SLC26A8: variants seen among roughly 807,000 people sequenced by gnomAD.
SLC26A8 encodes the protein testis anion transporter 1.
Under a neutral mutation model 105.0 loss-of-function variants are expected in SLC26A8, and 70 were observed. That is an observed-to-expected ratio of 0.67 (90% CI 0.55 to 0.81). SLC26A8 has a LOEUF of 0.81. Among genes scored for constraint, SLC26A8 ranks in the 40% least tolerant of loss-of-function variants. SLC26A8 has a pLI of 0.00. For missense variants in SLC26A8, 998 were observed against 1,181.8 expected (o/e 0.84, Z 2.28); for synonymous variants, 415 against 438.3 (o/e 0.95, Z 0.66).
At chr6:35,977,181 A>G (rs957094614) in intron 9 of SLC26A8, 23 bp downstream of exon 9, 1 of 1,603,022 alleles carries the variant, frequency 6.2e-7, no homozygotes, top group Non-Finnish European at 8.5e-7. Context: ...GTTAAGGATC[A>G]GAGGAAGTAG....
intron 17 of SLC26A8, among the ~76,000 whole-genome samples, chr6:35,952,237 A>C (rs1771905242): frequency 6.6e-6 from 1 of 152,082 alleles, no homozygotes; most frequent in Non-Finnish European, 1.5e-5. Flanking sequence ...TTCCCCCTGG[A>C]GTTTACTGAG....
Position 35,943,915 on chromosome 6 carries a change from G to A in SLC26A8, c.2898C>T (p.Ser966=). Residue 966 remains serine (S), a synonymous_variant, in exon 20 of 20, where the codon AGC becomes AGT. Coordinates refer to ENST00000490799, the MANE Select transcript of SLC26A8 (RefSeq NM_052961.4). ...PMDSYSPEGN[S]NEDV ...AGTTCATCTCCTAGACATCTTCATT[G>A]CTGTTGCCCTCTGGTGAGTATGAAT... 6.2e-7 allele frequency: 1 copy of A among 1,613,614 alleles called. No individual in the cohort carries two copies. Among genetic ancestry groups the A allele is most frequent in the Non-Finnish European group, 8.5e-7 (1 of 1,179,638 alleles).
chr6:36,006,491 A>G (rs191618663), intron 3 of SLC26A8, among the ~76,000 whole-genome samples: 5 of 152,258 alleles, frequency 3.3e-5, no homozygotes, highest in Non-Finnish European at 7.4e-5. Flanking sequence ...TGAATGCTAG[A>G]TATTACTCTA....
At chr6:35,948,520 C>T (rs1191332797) in intron 19 of SLC26A8, among the ~76,000 whole-genome samples, 2 of 152,032 alleles carry the variant, frequency 1.3e-5, no homozygotes, top group Non-Finnish European at 2.9e-5. Flanking sequence ...ACCTGGGAGG[C>T]GGAGGTTGCA....
chr6:35,962,495 C>T (rs1337573810), intron 12 of SLC26A8, 31 bp downstream of exon 12: 2 of 1,567,978 alleles, frequency 1.3e-6, no homozygotes, highest in Non-Finnish European at 8.8e-7. Context: ...CCTCTGCCCT[C>T]CCCTTCCTCA....
intron 8 of SLC26A8, among the ~76,000 whole-genome samples, chr6:35,978,472 C>G (rs911201170): frequency 3.6e-4 from 55 of 152,002 alleles, no homozygotes; most frequent in Non-Finnish European, 4.0e-4. Flanking sequence ...AAAAAAAAAT[C>G]TAAGTGTTTT....
In SLC26A8 at chr6:35,943,781, TCA is replaced by T; in HGVS notation, c.*117_*118del. The T allele has an allele frequency of 7.1e-7, 1 of 1,416,968 alleles. No homozygotes were observed. The highest frequency in any genetic ancestry group is 9.4e-7 in the Non-Finnish European group (1 of 1,059,084). 87.8% of individuals were successfully genotyped at this position (1,416,968 alleles called of 1,614,324 possible). ...GAAGAAGGCTGGCAGGTAGTAGGAG[TCA>T]CAGTCAGGAAGGAAGTACTGCTAGT... On this transcript the variant is annotated 3_prime_UTR_variant, in exon 20 of 20. Transcript: ENST00000490799.
intron 8 of SLC26A8, among the ~76,000 whole-genome samples, chr6:35,978,412 A>G (rs1226111692): frequency 2.0e-5 from 3 of 152,142 alleles, no homozygotes; most frequent in African/African-American, 7.2e-5. Flanking sequence ...CAAATCTGGA[A>G]GCACAAATAT....
intron 16 of SLC26A8, among the ~76,000 whole-genome samples, chr6:35,958,974 G>C (rs1040024939): frequency 6.6e-6 from 1 of 151,998 alleles, no homozygotes; most frequent in African/African-American, 2.4e-5. Flanking sequence ...CATCCTCCCC[G>C]CTCCTTTCCC....
In SLC26A8 at chr6:36,019,415, T is replaced by C. The variant is rs566462673; in HGVS notation, c.188+105A>G. 550 of 1,234,296 alleles carry C rather than the reference T, an allele frequency of 4.5e-4. 8 individuals carry two copies. The South Asian group carries it at 8.5e-3, about 19-fold the overall frequency. The allele number at this position is 1,234,296 out of a possible 1,614,324, so 76.5% of individuals were successfully genotyped here. ...AATTGCACAATAAACTGCATGATTC[T>C]GATTACAGGAACTCAGACAAGAAAG... On this transcript the variant is annotated intron_variant, in intron 2 of 19. Transcript: ENST00000490799.
chr6:35,979,332 C>T (rs951475333), intron 8 of SLC26A8, among the ~76,000 whole-genome samples: 6 of 151,898 alleles, frequency 4.0e-5, no homozygotes, highest in South Asian at 2.1e-4. Flanking sequence ...AAAAATTAGC[C>T]GGGCGTGGTG....
chr6:35,976,508 A>T (rs892780202), intron 9 of SLC26A8, among the ~76,000 whole-genome samples: 43 of 149,184 alleles, frequency 2.9e-4, no homozygotes, highest in Non-Finnish European at 5.2e-4. Flanking sequence ...AAAGACAAAA[A>T]CTATTTCTGG....
chr6:35,945,822 T>C (rs1279370483), intron 19 of SLC26A8, among the ~76,000 whole-genome samples: 1 of 152,262 alleles, frequency 6.6e-6, no homozygotes, highest in Admixed American at 6.5e-5. Flanking sequence ...GCTTGTCACA[T>C]AGCAGGTGCC....
intron 10 of SLC26A8, among the ~76,000 whole-genome samples, chr6:35,970,252 C>T (rs1204360171): frequency 6.6e-6 from 1 of 152,162 alleles, no homozygotes; most frequent in Admixed American, 6.5e-5. Flanking sequence ...GGAAAACACA[C>T]CTTCCCACTG....
chr6:35,966,001 CAAAAA>C (rs67198897), intron 11 of SLC26A8, among the ~76,000 whole-genome samples: 1 of 95,712 alleles, frequency 1.0e-5, no homozygotes. Context: ...ACTCTCATCT[CAAAAA>C]AAAAAAAAAA....
At chr6:35,973,475 G>A (rs1772874472) in intron 10 of SLC26A8, among the ~76,000 whole-genome samples, 1 of 152,080 alleles carries the variant, frequency 6.6e-6, no homozygotes, top group Non-Finnish European at 1.5e-5. Context: ...GGGGCCACAT[G>A]TGGCCCAGGA....
At chr6:35,947,934 A>C (rs767364479) in intron 19 of SLC26A8, among the ~76,000 whole-genome samples, 5 of 152,216 alleles carry the variant, frequency 3.3e-5, no homozygotes, top group Non-Finnish European at 5.9e-5. Flanking sequence ...CTGTCTCAAA[A>C]AAACAAAAAA....
intron 8 of SLC26A8, among the ~76,000 whole-genome samples, chr6:35,979,865 G>C (rs985710672): frequency 6.6e-6 from 1 of 152,184 alleles, no homozygotes; most frequent in African/African-American, 2.4e-5. Flanking sequence ...TAATAAAAGA[G>C]AAAGCTCAAA....
At chr6:36,002,218 G>A (rs1025941076) in intron 3 of SLC26A8, among the ~76,000 whole-genome samples, 4 of 152,134 alleles carry the variant, frequency 2.6e-5, no homozygotes, top group East Asian at 1.9e-4. Flanking sequence ...GACTGGAACC[G>A]AACTAAAAAG....
Sources: allele counts gnomAD v4.1 joint callset (sites outside exome capture counted in the v4.1 genomes callset), GRCh38; gene constraint gnomAD v4.1.1; transcripts MANE v1.5; gene names NCBI Gene and HGNC (gene_info 2026-07-23, HGNC 2026-07-21).